MYO1E: variants seen among roughly 807,000 people sequenced by gnomAD.
The protein encoded by MYO1E is unconventional myosin-Ie.
A neutral mutation model predicts 151.1 loss-of-function variants in MYO1E; 68 were observed. The ratio of observed to expected loss-of-function variants is 0.45; its 90% CI spans 0.37 to 0.55. The LOEUF (loss-of-function observed/expected upper bound fraction) is 0.55. Ranked by LOEUF, MYO1E falls within the 20% of genes least tolerant of loss-of-function variation. The pLI is 0.00. For missense variants in MYO1E, 1,363 were observed against 1,389.3 expected (o/e 0.98, Z 0.30); for synonymous variants, 601 against 501.7 (o/e 1.20, Z -2.64).
chr15:59,232,773 A>T (rs1399153778), intron 5 of MYO1E, among the ~76,000 whole-genome samples: 2 of 152,232 alleles, frequency 1.3e-5, no homozygotes, highest in Admixed American at 1.3e-4. Context: ...CAGTCTGGCT[A>T]CTAGGTCGTA....
At chr15:59,311,769 G>C (rs1274360896) in intron 1 of MYO1E, among the ~76,000 whole-genome samples, 2 of 152,170 alleles carry the variant, frequency 1.3e-5, no homozygotes, top group African/African-American at 2.4e-5. Flanking sequence ...GAAGTGACTA[G>C]GTCATGAGGA....
intron 1 of MYO1E, among the ~76,000 whole-genome samples, chr15:59,318,418 A>G (rs1225300832): frequency 5.9e-5 from 9 of 152,170 alleles, no homozygotes; most frequent in African/African-American, 2.2e-4. Flanking sequence ...TGCTAGACAC[A>G]ACAAACTAGG....
intron 1 of MYO1E, among the ~76,000 whole-genome samples, chr15:59,352,853 G>C (rs1416013229): frequency 6.6e-6 from 1 of 152,120 alleles, no homozygotes; most frequent in Non-Finnish European, 1.5e-5. Context: ...TCAGAAACTG[G>C]AGGAGCCATT....
At chr15:59,267,530 C>G (rs1307113010) in intron 2 of MYO1E, among the ~76,000 whole-genome samples, 1 of 152,212 alleles carries the variant, frequency 6.6e-6, no homozygotes, top group African/African-American at 2.4e-5. Context: ...CTCCAGTGAA[C>G]TGGATGCCAA....
At chr15:59,351,032 G>C (rs1475202893) in intron 1 of MYO1E, among the ~76,000 whole-genome samples, 2 of 152,332 alleles carry the variant, frequency 1.3e-5, no homozygotes, top group East Asian at 3.9e-4. Flanking sequence ...GAGTAGCTGG[G>C]ACTACAGGCG....
At chr15:59,157,967 G>A (rs12437985) in intron 25 of MYO1E, among the ~76,000 whole-genome samples, 4,836 of 152,274 alleles carry the variant, frequency 0.032, 93 homozygotes, top group East Asian at 0.05. Context: ...AGCATCCTGT[G>A]TCTTAAAAGC....
intron 18 of MYO1E, among the ~76,000 whole-genome samples, chr15:59,179,517 A>G (rs2079645911): frequency 6.6e-6 from 1 of 152,112 alleles, no homozygotes; most frequent in African/African-American, 2.4e-5. Flanking sequence ...CTCTCTCTGC[A>G]TGAGGTGCTG....
intron 1 of MYO1E, among the ~76,000 whole-genome samples, chr15:59,363,381 C>CT (rs2080896481): frequency 6.6e-6 from 1 of 152,188 alleles, no homozygotes; most frequent in Admixed American, 6.5e-5. Context: ...CACTACTACT[C>CT]ATAACAGACA....
At chr15:59,295,898 G>GTTA (rs1192779155) in intron 1 of MYO1E, among the ~76,000 whole-genome samples, 3 of 152,098 alleles carry the variant, frequency 2.0e-5, no homozygotes, top group Non-Finnish European at 2.9e-5. Flanking sequence ...TTACTGCGGG[G>GTTA]TTATTATTAA....
chr15:59,195,408 T>C, intron 17 of MYO1E, 53 bp downstream of exon 17: 1 of 1,476,560 alleles, frequency 6.8e-7, no homozygotes, highest in Non-Finnish European at 9.5e-7. Flanking sequence ...ACGGCTCATC[T>C]TGAGCAGAGG....
Position 59,182,715 on chromosome 15 carries a change from C to T in MYO1E, c.1905-4178G>A, listed in dbSNP as rs137914531. 2.6e-3 allele frequency among the ~76,000 whole-genome samples: 396 copies of T among 152,226 alleles called. 7 individuals are homozygous for T. Among genetic ancestry groups the T allele is most frequent in the African/African-American group, 8.8e-3 (364 of 41,536 alleles). On this transcript the variant is annotated intron_variant, in intron 18 of 27. Coordinates refer to ENST00000288235, the MANE Select transcript of MYO1E (RefSeq NM_004998.4). The stretch of plus-strand genomic sequence containing the variant: ...TTTCACAAAATGCCTACTCAGAGTG[C>T]GGCACAGCGTAAAGTACAGCATGGA...
At chr15:59,342,419 C>A (rs1327040675) in intron 1 of MYO1E, among the ~76,000 whole-genome samples, 1 of 152,106 alleles carries the variant, frequency 6.6e-6, no homozygotes, top group Non-Finnish European at 1.5e-5. Flanking sequence ...TTTGCTTAGA[C>A]CAATGTCCTG....
At position 59,372,794 on chromosome 15, in the gene MYO1E, C is replaced by T. The variant is rs768721396; in HGVS notation, c.-294G>A. On this transcript the variant is annotated 5_prime_UTR_variant, in exon 1 of 28. Transcript: ENST00000288235. ...CGCCGGCCCAGGTGAGTCCGATGCG[C>T]TCGGAGCGTCCGCCTCGCTCCCCTG... The T allele has an allele frequency of 1.8e-5, 9 of 505,924 alleles. No homozygotes were observed. Among genetic ancestry groups the T allele is most frequent in the Non-Finnish European group, 3.1e-5 (9 of 286,968 alleles). The allele number at this position is 505,924 out of a possible 1,614,324, so 31.3% of individuals were successfully genotyped here.
chr15:59,218,285 C>A, intron 9 of MYO1E, 198 bp from the exon 10 acceptor site: 1 of 703,328 alleles, frequency 1.4e-6, no homozygotes, highest in Non-Finnish European at 2.6e-6. Context: ...TTGTTTTTCC[C>A]AATTGTTTTA....
chr15:59,298,997 T>C (rs1415888499), intron 1 of MYO1E, among the ~76,000 whole-genome samples: 2 of 152,204 alleles, frequency 1.3e-5, no homozygotes, highest in African/African-American at 4.8e-5. Flanking sequence ...GTGACTGGGA[T>C]AGATCCTCAG....
intron 21 of MYO1E, among the ~76,000 whole-genome samples, chr15:59,172,943 C>T (rs1281071331): frequency 1.3e-5 from 2 of 152,248 alleles, no homozygotes; most frequent in Non-Finnish European, 2.9e-5. Context: ...GCAAAACATG[C>T]TTCCGTTGTT....
chr15:59,229,199 G>A (rs928972357), intron 6 of MYO1E, among the ~76,000 whole-genome samples: 1 of 152,194 alleles, frequency 6.6e-6, no homozygotes, highest in South Asian at 2.1e-4. Context: ...GGCAGGTGTT[G>A]GACAGGCAAG....
rs568890023 is a variant in MYO1E at position 59,272,126 on chromosome 15, T to C, written c.147+180A>G. 161 of 638,724 alleles carry C rather than the reference T, an allele frequency of 2.5e-4. No homozygotes were observed. The South Asian group carries it at 3.1e-3, about 12-fold the overall frequency. The allele number at this position is 638,724 out of a possible 1,614,324, so 39.6% of individuals were successfully genotyped here. ...AAGCCACAAGTTCAGTTTTTATTTT[T>C]ATTTTTTATAATAGAGATGGGGTCT... On this transcript the variant is annotated intron_variant, in intron 2 of 27. Transcript: ENST00000288235.
intron 26 of MYO1E, among the ~76,000 whole-genome samples, chr15:59,142,249 C>A (rs910197465): frequency 6.6e-6 from 1 of 152,198 alleles, no homozygotes; most frequent in African/African-American, 2.4e-5. Flanking sequence ...GTTGAACCCA[C>A]AGATGCTAAT....
Sources: allele counts gnomAD v4.1 joint callset (sites outside exome capture counted in the v4.1 genomes callset), GRCh38; gene constraint gnomAD v4.1.1; transcripts MANE v1.5; gene names NCBI Gene and HGNC (gene_info 2026-07-23, HGNC 2026-07-21).